The following RBFOX2 variants were observed in gnomAD, a reference collection of about 807,000 sequenced individuals.
RBFOX2 encodes the protein RNA binding fox-1 homolog 2.
Under a neutral mutation model 49.1 loss-of-function variants are expected in RBFOX2, and 10 were observed. The ratio of observed to expected loss-of-function variants is 0.20; its 90% CI spans 0.13 to 0.35. The LOEUF (loss-of-function observed/expected upper bound fraction) is 0.35, where lower values mean the gene tolerates loss of function less well. RBFOX2 is among the 10% of genes least tolerant of loss of function. The probability of loss-of-function intolerance (pLI) is 1.00; values close to 1 mark genes in which losing one functional copy is unlikely to be tolerated. For missense variants in RBFOX2, 323 were observed against 486.9 expected, an observed-to-expected ratio of 0.66 and a Z score of 3.17; for synonymous variants, 183 against 187.4, an observed-to-expected ratio of 0.98 and a Z score of 0.19.
At chr22:35,864,739 T>C (rs2043478312) in intron 1 of RBFOX2, among the ~76,000 whole-genome samples, 1 of 152,372 alleles carries the variant, frequency 6.6e-6, no homozygotes, top group East Asian at 1.9e-4. Context: ...TATTTTCTTT[T>C]CCTAATGCAC....
chr22:36,005,078 G>C (rs942102348), intron 1 of RBFOX2, among the ~76,000 whole-genome samples: 1 of 152,074 alleles, frequency 6.6e-6, no homozygotes, highest in Non-Finnish European at 1.5e-5. Flanking sequence ...TTAAATTTAG[G>C]AAGAAAACGC....
chr22:35,953,549 T>C (rs1220026652), intron 1 of RBFOX2, among the ~76,000 whole-genome samples: 1 of 152,172 alleles, frequency 6.6e-6, no homozygotes, highest in Non-Finnish European at 1.5e-5. Context: ...ATGTATCCAT[T>C]GAGGGTGATG....
intron 2 of RBFOX2, among the ~76,000 whole-genome samples, chr22:35,784,505 C>A (rs1188855548): frequency 6.6e-6 from 1 of 152,234 alleles, no homozygotes; most frequent in Non-Finnish European, 1.5e-5. Context: ...CTCCTTCAGG[C>A]CAGCCTTTGC....
intron 1 of RBFOX2, chr22:35,840,100 A>G: frequency 6.6e-7 from 1 of 1,504,260 alleles, no homozygotes; most frequent in Non-Finnish European, 9.2e-7. Flanking sequence ...GACAATAATG[A>G]TTAAAACTCT....
intron 1 of RBFOX2, among the ~76,000 whole-genome samples, chr22:35,959,791 G>A (rs1242243909): frequency 6.6e-6 from 1 of 152,134 alleles, no homozygotes; most frequent in Non-Finnish European, 1.5e-5. Context: ...CTTCAATACA[G>A]TCATCCCTTG....
At chr22:35,808,109 T>A (rs932594833) in intron 2 of RBFOX2, among the ~76,000 whole-genome samples, 1 of 152,182 alleles carries the variant, frequency 6.6e-6, no homozygotes, top group Non-Finnish European at 1.5e-5. Context: ...CTCACATATA[T>A]TTTATTTCTT....
intron 2 of RBFOX2, among the ~76,000 whole-genome samples, chr22:35,791,887 C>T (rs1947742738): frequency 6.6e-6 from 1 of 152,142 alleles, no homozygotes; most frequent in African/African-American, 2.4e-5. Context: ...ATGAAGTCAA[C>T]ATTTAGTGTA....
In RBFOX2 at chr22:35,951,230, C is replaced by T. The variant is rs563715047; in HGVS notation, c.42+10333G>A. Among the ~76,000 whole-genome samples, 299 of 129,880 alleles carry T rather than the reference C, an allele frequency of 2.3e-3. 1 individual carries two copies. Among genetic ancestry groups the T allele is most frequent in the African/African-American group, 8.5e-3 (288 of 33,832 alleles). 85.2% of individuals were successfully genotyped at this position (129,880 alleles called of 152,430 possible). ...TGGCCTCCCAAAGTGCTGGGATTAC[C>T]GCACCCGGCCCTTTTTTTTTTTTTT... On this transcript the variant is annotated intron_variant, in intron 1 of 5. Transcript: ENST00000408983.
intron 1 of RBFOX2, among the ~76,000 whole-genome samples, chr22:35,860,682 C>T (rs2043003303): frequency 6.6e-6 from 1 of 152,110 alleles, no homozygotes; most frequent in African/African-American, 2.4e-5. Flanking sequence ...TTTGGCATTT[C>T]CATATGAGTT....
At chr22:35,837,976 AAG>A (rs1957991637) in intron 1 of RBFOX2, among the ~76,000 whole-genome samples, 1 of 152,226 alleles carries the variant, frequency 6.6e-6, no homozygotes, top group African/African-American at 2.4e-5. Flanking sequence ...TCTAGAAACT[AAG>A]GGGAAATGTT....
At chr22:35,863,690 T>C (rs944087632) in intron 1 of RBFOX2, among the ~76,000 whole-genome samples, 1 of 152,204 alleles carries the variant, frequency 6.6e-6, no homozygotes, top group Non-Finnish European at 1.5e-5. Flanking sequence ...CTTCTGACTT[T>C]GATTTAATGC....
chr22:35,764,493 G>A (rs1940245060), intron 6 of RBFOX2, among the ~76,000 whole-genome samples: 1 of 150,536 alleles, frequency 6.6e-6, no homozygotes, highest in South Asian at 2.2e-4. Context: ...CTGAGGGCAG[G>A]AGAATGGCGT....
chr22:35,942,718 T>C (rs1284031296), upstream of RBFOX2, among the ~76,000 whole-genome samples: 3 of 142,730 alleles, frequency 2.1e-5, no homozygotes, highest in Admixed American at 1.4e-4. Flanking sequence ...CGACATCCCA[T>C]CTCTTAAAAA....
chr22:35,821,893 G>C (rs577709857), intron 1 of RBFOX2: 9 of 518,908 alleles, frequency 1.7e-5, no homozygotes, highest in Admixed American at 1.6e-4. Context: ...TTGACCAAAA[G>C]GGGGAGGAGC....
intron 1 of RBFOX2, among the ~76,000 whole-genome samples, chr22:35,925,085 G>A (rs1311975658): frequency 6.6e-6 from 1 of 151,940 alleles, no homozygotes; most frequent in Non-Finnish European, 1.5e-5. Context: ...TCAGCTACTC[G>A]GGAGGCTGAG....
chr22:36,008,065 C>G (rs1276264116), intron 1 of RBFOX2, among the ~76,000 whole-genome samples: 1 of 152,082 alleles, frequency 6.6e-6, no homozygotes, highest in African/African-American at 2.4e-5. Flanking sequence ...TCAAAGAATA[C>G]GTGCATTTTA....
At chr22:35,888,615 C>T (rs1481048919) in intron 1 of RBFOX2, among the ~76,000 whole-genome samples, 1 of 152,158 alleles carries the variant, frequency 6.6e-6, no homozygotes, top group Non-Finnish European at 1.5e-5. Flanking sequence ...TCTCTGGCTG[C>T]TTCCTTCCAC....
chr22:35,809,340 CG>C (rs1197803567), intron 2 of RBFOX2, among the ~76,000 whole-genome samples: 1 of 151,704 alleles, frequency 6.6e-6, no homozygotes, highest in Non-Finnish European at 1.5e-5. Flanking sequence ...GAGAAGAAGA[CG>C]AAGTAGTTTT....
At chr22:35,866,276 T>C (rs2043668296) in intron 1 of RBFOX2, among the ~76,000 whole-genome samples, 1 of 152,176 alleles carries the variant, frequency 6.6e-6, no homozygotes, top group South Asian at 2.1e-4. Flanking sequence ...TCTTAGAATT[T>C]TAATTCCTAA....
Sources: allele counts gnomAD v4.1 joint callset (sites outside exome capture counted in the v4.1 genomes callset), GRCh38; gene constraint gnomAD v4.1.1; transcripts MANE v1.5; gene names NCBI Gene and HGNC (gene_info 2026-07-23, HGNC 2026-07-21).